LRP4: variants seen among roughly 807,000 people sequenced by gnomAD.
The protein encoded by LRP4 is LDL receptor related protein 4.
A neutral mutation model predicts 220.3 loss-of-function variants in LRP4; 95 were observed. The ratio of observed to expected loss-of-function variants is 0.43; its 90% CI spans 0.37 to 0.51. LRP4 has a LOEUF of 0.51. Ranked by LOEUF, LRP4 falls within the 20% of genes least tolerant of loss-of-function variation. LRP4 has a pLI of 0.00. For synonymous variants in LRP4, 903 were observed against 954.6 expected (o/e 0.95, Z 1.00); for missense variants, 1,925 against 2,567.0 (o/e 0.75, Z 5.40).
chr11:46,867,707 C>T (rs1292532976), intron 34 of LRP4, among the ~76,000 whole-genome samples: 3 of 152,170 alleles, frequency 2.0e-5, no homozygotes, highest in East Asian at 3.9e-4. Flanking sequence ...GTGATCCACC[C>T]GCCTCAGCCT....
At chr11:46,866,157 C>A (rs1377495865) in intron 34 of LRP4, among the ~76,000 whole-genome samples, 1 of 150,880 alleles carries the variant, frequency 6.6e-6, no homozygotes, top group Non-Finnish European at 1.5e-5. Flanking sequence ...AAAAACTGTT[C>A]TAATTAGAAA....
chr11:46,883,852 C>T lies in LRP4; in HGVS notation c.2612+19G>A. On this transcript the variant is annotated intron_variant, in intron 19 of 37. Transcript: ENST00000378623. ...TGGGAGGGGTGGATGGAGCTCATTC[C>T]CAAGGGGCAGCCACTCACCCGCCCA... 1 of 1,601,806 alleles carries T rather than the reference C, an allele frequency of 6.2e-7. No homozygotes were observed. Among genetic ancestry groups the T allele is most frequent in the South Asian group, 1.1e-5 (1 of 90,802 alleles).
In LRP4 at chr11:46,899,045, C is replaced by G. The variant is rs750048901; in HGVS notation, c.548-13G>C. On this transcript the variant is annotated splice_polypyrimidine_tract_variant and intron_variant, in intron 5 of 37. Coordinates refer to ENST00000378623, the MANE Select transcript of LRP4 (RefSeq NM_002334.4). The surrounding 1 kb of genome is among the most constrained non-coding windows in gnomAD (Gnocchi z 5.9). ...GGCACTGCTGAGGCTGGAGGGAAGG[C>G]AGGGGTGGGGAGGGGCACACACTCA... 2 of 1,609,092 alleles carry G rather than the reference C, an allele frequency of 1.2e-6. No homozygotes were observed. Among genetic ancestry groups the G allele is most frequent in the Admixed American group, 3.3e-5 (2 of 59,918 alleles).
At position 46,867,467 on chromosome 11, in the gene LRP4, GTT is replaced by G. The variant is rs757965010; in HGVS notation, c.5087+510_5087+511del. ...TTTTTTTGTTGTTTTATTTTGTTTT[GTT>G]TTGTTTTTGAGATGGAGTTTCGCTC... On this transcript the variant is annotated intron_variant, in intron 34 of 37. Coordinates refer to ENST00000378623, the MANE Select transcript of LRP4 (RefSeq NM_002334.4). Among the ~76,000 whole-genome samples the G allele has an allele frequency of 8.6e-5, 13 of 152,028 alleles. No homozygotes were observed. In the East Asian group the frequency reaches 2.1e-3, roughly 25 times the overall value.
At chr11:46,910,475 G>T (rs1454185145) in intron 1 of LRP4, among the ~76,000 whole-genome samples, 5 of 152,038 alleles carry the variant, frequency 3.3e-5, no homozygotes, top group Non-Finnish European at 7.4e-5. Flanking sequence ...TTAAAGATTT[G>T]GCTTACCCCA....
intron 31 of LRP4, 40 bp from the exon 32 acceptor site, chr11:46,869,172 C>T: frequency 6.3e-7 from 1 of 1,597,138 alleles, no homozygotes; most frequent in South Asian, 1.1e-5. Flanking sequence ...AAATATTATT[C>T]AGCAAGCAGA....
At chr11:46,895,545 C>T (rs1012353639) in intron 10 of LRP4, among the ~76,000 whole-genome samples, 7 of 152,120 alleles carry the variant, frequency 4.6e-5, no homozygotes, top group African/African-American at 1.7e-4. Context: ...CGCACCACTG[C>T]ACTCCAGCCT....
chr11:46,861,492 A>G (rs1332218443), intron 37 of LRP4, among the ~76,000 whole-genome samples: 1 of 147,206 alleles, frequency 6.8e-6, no homozygotes, highest in Non-Finnish European at 1.5e-5. Flanking sequence ...CTGAAATACC[A>G]GGTATAGTTA....
intron 1 of LRP4, among the ~76,000 whole-genome samples, chr11:46,911,666 A>G (rs926404151): frequency 6.6e-6 from 1 of 151,674 alleles, no homozygotes; most frequent in Non-Finnish European, 1.5e-5. Context: ...TTCCTTATGC[A>G]TTCAGACTCC....
chr11:46,918,398 C>G lies in LRP4; in HGVS notation c.-19G>C, dbSNP rs1220523630. 7.1e-7 allele frequency: 1 copy of G among 1,412,054 alleles called. No individual in the cohort carries two copies. Among genetic ancestry groups the G allele is most frequent in the Non-Finnish European group, 9.2e-7 (1 of 1,084,256 alleles). The allele number at this position is 1,412,054 out of a possible 1,614,324, so 87.5% of individuals were successfully genotyped here. ...GCCTCATGGTGCCGCCCGCGCCGCT[C>G]GCCCGGGGTCCCGCCGGCTCCCGCC... On this transcript the variant is annotated 5_prime_UTR_variant, in exon 1 of 38. Transcript: ENST00000378623. This position sits in a 1 kb window ranked among gnomAD's most constrained non-coding sequence, Gnocchi z 6.0.
chr11:46,870,231 C>T (rs994197032), intron 31 of LRP4, among the ~76,000 whole-genome samples: 1 of 151,516 alleles, frequency 6.6e-6, no homozygotes, highest in African/African-American at 2.4e-5. Flanking sequence ...ATCACACCAC[C>T]GCACTCCAGC....
intron 37 of LRP4, among the ~76,000 whole-genome samples, chr11:46,859,984 C>T (rs1344774702): frequency 2.6e-5 from 4 of 152,040 alleles, no homozygotes; most frequent in Non-Finnish European, 5.9e-5. Flanking sequence ...CCTGTAATCC[C>T]AGCACTTTGG....
intron 36 of LRP4, among the ~76,000 whole-genome samples, chr11:46,863,576 T>C (rs1160902390): frequency 3.7e-5 from 1 of 27,172 alleles, no homozygotes; most frequent in Non-Finnish European, 6.2e-5. Flanking sequence ...CTCTCTCTAC[T>C]AAAAATACAA....
In LRP4 at chr11:46,873,037, T is replaced by C; in HGVS notation, c.4583+63A>G. On this transcript the variant is annotated intron_variant, in intron 30 of 37. Coordinates refer to ENST00000378623, the MANE Select transcript of LRP4 (RefSeq NM_002334.4). This position sits in a 1 kb window ranked among gnomAD's most constrained non-coding sequence, Gnocchi z 4.2. Reference sequence around the variant, plus strand: ...TATCTTTTCATTTTTCCAAGGTTAATCTCAACCATTCTCTCTTCTGCCCAC... The same window carrying C: ...TATCTTTTCATTTTTCCAAGGTTAACCTCAACCATTCTCTCTTCTGCCCAC... 1 of 1,606,432 alleles carries C rather than the reference T, an allele frequency of 6.2e-7. No individual in the cohort carries two copies. Among genetic ancestry groups the C allele is most frequent in the Non-Finnish European group, 8.5e-7 (1 of 1,173,384 alleles).
intron 10 of LRP4, among the ~76,000 whole-genome samples, chr11:46,895,668 C>T (rs1223353293): frequency 2.6e-5 from 4 of 152,240 alleles, no homozygotes; most frequent in Admixed American, 2.0e-4. Flanking sequence ...AACTCTGCTA[C>T]TCGCCAGCTG....
At chr11:46,911,524 G>A (rs914802528) in intron 1 of LRP4, among the ~76,000 whole-genome samples, 12 of 150,666 alleles carry the variant, frequency 8.0e-5, no homozygotes, top group African/African-American at 2.2e-4. Context: ...ATGAGTTCGA[G>A]GCTACAGTGA....
At position 46,886,408 on chromosome 11, in the gene LRP4, C is replaced by A; in HGVS notation, c.2341G>T (p.Asp781Tyr). Reference sequence around the variant, plus strand: ...CAGTACACGTGGTCATCCCGGGAGTCCCAGTCAAGGGCCACAGCACTGCGC... The same window carrying A: ...CAGTACACGTGGTCATCCCGGGAGTACCAGTCAAGGGCCACAGCACTGCGC... Reference protein sequence around the residue: ...DVRSAVALDWDSRDDHVYWTD... With the variant: ...DVRSAVALDWYSRDDHVYWTD... Residue 781 changes from aspartate to tyrosine, a missense_variant, in exon 17 of 38, where the codon GAC (aspartate) becomes TAC (tyrosine). Transcript: ENST00000378623. 6.2e-7 allele frequency: 1 copy of A among 1,613,464 alleles called. No homozygotes were observed. Among genetic ancestry groups the A allele is most frequent in the Non-Finnish European group, 8.5e-7 (1 of 1,179,744 alleles).
intron 1 of LRP4, among the ~76,000 whole-genome samples, chr11:46,903,951 T>C (rs1238563985): frequency 6.6e-6 from 1 of 152,196 alleles, no homozygotes; most frequent in Non-Finnish European, 1.5e-5. Context: ...CCAAGTCCCA[T>C]GACCAGCTGC....
At chr11:46,897,404 T>C (rs1444473596) in intron 7 of LRP4, among the ~76,000 whole-genome samples, 1 of 149,886 alleles carries the variant, frequency 6.7e-6, no homozygotes, top group African/African-American at 2.4e-5. Context: ...ATTATCATTC[T>C]TGGGTGTTTC....
Sources: allele counts gnomAD v4.1 joint callset (sites outside exome capture counted in the v4.1 genomes callset), GRCh38; gene constraint gnomAD v4.1.1; non-coding constraint Gnocchi (gnomAD v3.1); transcripts MANE v1.5; gene names NCBI Gene and HGNC (gene_info 2026-07-23, HGNC 2026-07-21).